CEP63: variants seen among roughly 807,000 people sequenced by gnomAD.
The protein encoded by CEP63 is centrosomal protein of 63 kDa.
A neutral mutation model predicts 89.1 loss-of-function variants in CEP63; 84 were observed. That is an observed-to-expected ratio of 0.94 (90% CI 0.79 to 1.13). The LOEUF (loss-of-function observed/expected upper bound fraction) is 1.13, where lower values mean the gene tolerates loss of function less well. Among genes scored for constraint, CEP63 ranks in the 50% most tolerant of loss-of-function variants. CEP63 has a pLI of 0.00. For synonymous variants in CEP63, 267 were observed against 272.5 expected (o/e 0.98, Z 0.20); for missense variants, 838 against 813.3 (o/e 1.03, Z -0.37).
At chr3:134,490,173 A>G (rs1376314483) in intron 1 of CEP63, among the ~76,000 whole-genome samples, 1 of 152,148 alleles carries the variant, frequency 6.6e-6, no homozygotes, top group Non-Finnish European at 1.5e-5. Context: ...GTTAGGAAAT[A>G]TTATATATTA....
At chr3:134,770,513 A>G in the CEP63 span, among the ~76,000 whole-genome samples, 2 of 152,188 alleles carry the variant, frequency 1.3e-5, no homozygotes, top group African/African-American at 4.8e-5. Context: ...ACTTGATTCT[A>G]TTCTCAGGAT....
At chr3:134,758,572 C>G in the CEP63 span, among the ~76,000 whole-genome samples, 2 of 152,162 alleles carry the variant, frequency 1.3e-5, no homozygotes, top group African/African-American at 2.4e-5. Context: ...AGGAGTGAAG[C>G]CAAGGCCACT....
chr3:134,695,532 G>A, the CEP63 span, among the ~76,000 whole-genome samples: 4 of 152,216 alleles, frequency 2.6e-5, no homozygotes, highest in South Asian at 2.1e-4. Flanking sequence ...GTGAGCAGAC[G>A]GAGATGGATC....
At chr3:134,747,948 G>C in the CEP63 span, among the ~76,000 whole-genome samples, 1 of 152,052 alleles carries the variant, frequency 6.6e-6, no homozygotes, top group East Asian at 1.9e-4. Flanking sequence ...ACCATGCCCG[G>C]CTAATTTTTG....
intron 13 of CEP63, among the ~76,000 whole-genome samples, chr3:134,558,876 C>A (rs1038288718): frequency 6.6e-6 from 1 of 152,178 alleles, no homozygotes; most frequent in African/African-American, 2.4e-5. Context: ...CAGCACTTCT[C>A]CTGTCCCAGC....
chr3:134,493,654 C>T (rs1034251959), intron 1 of CEP63, among the ~76,000 whole-genome samples: 2 of 152,116 alleles, frequency 1.3e-5, no homozygotes, highest in African/African-American at 2.4e-5. Flanking sequence ...TTCTCATTCT[C>T]CTCTGTGTCT....
chr3:134,610,086 G>A, the CEP63 span: 1 of 1,219,716 alleles, frequency 8.2e-7, no homozygotes, highest in Non-Finnish European at 1.2e-6. Flanking sequence ...GGGCCTCCTG[G>A]CTCTCCTTCC....
At position 134,546,240 on chromosome 3, in the gene CEP63, A is replaced by G; in HGVS notation, c.881A>G (p.Gln294Arg). ...GCCAGAATACAAAAGGAGAAGTTACAAGAAAAAGTAAAGGCAACTAACACT... is the reference window on the plus strand; with the variant it reads ...GCCAGAATACAAAAGGAGAAGTTACGAGAAAAAGTAAAGGCAACTAACACT... ...HEARIQKEKL[Q>R]EKVKATNTQH... The change falls in exon 8 of 15, where the codon CAA becomes CGA. Residue 294 changes from glutamine (Q) to arginine (R), a missense_variant. Gln to Arg is a conservative substitution (Grantham distance 43). Transcript: ENST00000675561. The G allele has an allele frequency of 6.2e-7, 1 of 1,613,920 alleles. No homozygotes were observed. Among genetic ancestry groups the G allele is most frequent in the South Asian group, 1.1e-5 (1 of 91,078 alleles).
chr3:134,725,829 G>C, the CEP63 span, among the ~76,000 whole-genome samples: 1 of 152,146 alleles, frequency 6.6e-6, no homozygotes, highest in African/African-American at 2.4e-5. Flanking sequence ...GAAAGACCCT[G>C]AACAGTGGTG....
At chr3:134,684,454 G>A in the CEP63 span, among the ~76,000 whole-genome samples, 5 of 152,240 alleles carry the variant, frequency 3.3e-5, no homozygotes, top group African/African-American at 4.8e-5. Flanking sequence ...TTTGACTTTC[G>A]CCTAGCTATC....
At chr3:134,762,801 G>C in the CEP63 span, among the ~76,000 whole-genome samples, 2 of 152,164 alleles carry the variant, frequency 1.3e-5, no homozygotes, top group Non-Finnish European at 1.5e-5. Flanking sequence ...CAGCAGTTCT[G>C]GCAAATGAAT....
the CEP63 span, among the ~76,000 whole-genome samples, chr3:134,719,329 C>A: frequency 4.5e-3 from 679 of 152,252 alleles, 1 homozygote; most frequent in African/African-American, 0.015. Context: ...TAAGCTCCAT[C>A]TTAAACCTAT....
At chr3:134,581,227 A>G (rs1958337861) in intron 10 of CEP63, among the ~76,000 whole-genome samples, 1 of 152,216 alleles carries the variant, frequency 6.6e-6, no homozygotes, top group Non-Finnish European at 1.5e-5. Flanking sequence ...TTAAGTCACT[A>G]GCTCTGTCGT....
At chr3:134,575,071 C>G, downstream of CEP63, 1 of 389,502 alleles carries the variant, frequency 2.6e-6, no homozygotes. Flanking sequence ...AAGACTGTCA[C>G]TAAAAACATC....
chr3:134,749,430 A>G, the CEP63 span, among the ~76,000 whole-genome samples: 6 of 152,110 alleles, frequency 3.9e-5, no homozygotes, highest in African/African-American at 7.2e-5. Flanking sequence ...GCTTGCTGCA[A>G]TGATTCAGCG....
chr3:134,755,178 A>G, the CEP63 span, among the ~76,000 whole-genome samples: 2 of 152,172 alleles, frequency 1.3e-5, no homozygotes, highest in African/African-American at 4.8e-5. Context: ...AGATGGGAGC[A>G]CTTCAACATT....
chr3:134,550,279 C>T lies in CEP63; in HGVS notation c.1380+19C>T, dbSNP rs1954512304. On this transcript the variant is annotated intron_variant, in intron 11 of 14. Coordinates refer to ENST00000675561, the MANE Select transcript of CEP63 (RefSeq NM_001353108.3). ...GCATAAGGTGAAGCCTGAACAAAAC[C>T]TTTTTTAAATTTGAAATTTGTTTTA... is the stretch of plus-strand genomic sequence containing the variant. 1 of 1,609,252 alleles carries T rather than the reference C, an allele frequency of 6.2e-7. No homozygotes were observed.
At chr3:134,567,326 G>A (rs1374583664), downstream of CEP63, among the ~76,000 whole-genome samples, 1 of 151,948 alleles carries the variant, frequency 6.6e-6, no homozygotes, top group Non-Finnish European at 1.5e-5. Flanking sequence ...AAGGGTATGG[G>A]GTTTCTTTTT....
the CEP63 span, among the ~76,000 whole-genome samples, chr3:134,778,303 G>A: frequency 6.6e-6 from 1 of 151,634 alleles, no homozygotes; most frequent in Admixed American, 6.6e-5. Flanking sequence ...CACCATGTTG[G>A]CCAGGCTGGT....
Sources: gnomAD v4.1 joint callset for allele counts (sites outside exome capture counted in the v4.1 genomes callset) on GRCh38, gnomAD v4.1.1 for gene constraint, MANE v1.5 for transcripts, NCBI Gene and HGNC (gene_info 2026-07-23, HGNC 2026-07-21) for gene names.